Variants in KLHL1 observed in about 807,000 individuals in gnomAD.
KLHL1 encodes kelch like family member 1.
Under a neutral mutation model 77.7 loss-of-function variants are expected in KLHL1, and 47 were observed. The ratio of observed to expected loss-of-function variants is 0.60; its 90% confidence interval spans 0.48 to 0.77. The LOEUF (loss-of-function observed/expected upper bound fraction) is 0.77, where lower values mean the gene tolerates loss of function less well. Among genes scored for constraint, KLHL1 ranks in the 30% least tolerant of loss-of-function variants. The pLI is 0.00. For synonymous variants in KLHL1, 360 were observed against 325.2 expected (o/e 1.11, Z -1.15); for missense variants, 925 against 910.8 (o/e 1.02, Z -0.20).
intron 7 of KLHL1, among the ~76,000 whole-genome samples, chr13:69,769,251 C>A (rs1427461561): frequency 1.3e-5 from 2 of 152,166 alleles, no homozygotes; most frequent in Non-Finnish European, 2.9e-5. Context: ...AAGGGTGAGT[C>A]TGGGTAGAGG....
chr13:69,896,715 C>T (rs937262443), intron 4 of KLHL1, among the ~76,000 whole-genome samples: 1 of 150,836 alleles, frequency 6.6e-6, no homozygotes, highest in Non-Finnish European at 1.5e-5. Flanking sequence ...GTTGCCCAGG[C>T]TGGAGGGCAG....
intron 7 of KLHL1, among the ~76,000 whole-genome samples, chr13:69,760,517 G>A (rs1412490893): frequency 6.6e-5 from 10 of 151,728 alleles, no homozygotes; most frequent in South Asian, 2.1e-4. Flanking sequence ...CACCACACCC[G>A]GCTAATTTTT....
At chr13:69,992,149 T>A (rs889972640) in intron 1 of KLHL1, among the ~76,000 whole-genome samples, 1 of 152,004 alleles carries the variant, frequency 6.6e-6, no homozygotes. Context: ...ACACTTCATT[T>A]TATGAAATTA....
intron 9 of KLHL1, among the ~76,000 whole-genome samples, chr13:69,718,912 T>A (rs1161296056): frequency 2.6e-5 from 4 of 152,098 alleles, no homozygotes; most frequent in Admixed American, 2.6e-4. Flanking sequence ...AACTTGATAA[T>A]TCACCTTTGA....
intron 6 of KLHL1, among the ~76,000 whole-genome samples, chr13:69,809,436 GA>G (rs781081297): frequency 6.6e-6 from 1 of 152,092 alleles, no homozygotes; most frequent in African/African-American, 2.4e-5. Flanking sequence ...TGCCAGCCAA[GA>G]ATTTCATATT....
chr13:69,750,864 G>T (rs1874445179), intron 7 of KLHL1, among the ~76,000 whole-genome samples: 1 of 151,932 alleles, frequency 6.6e-6, no homozygotes, highest in Admixed American at 6.6e-5. Flanking sequence ...GTTGCACATT[G>T]AAATCACCTG....
chr13:69,875,832 T>C (rs1880742268), intron 5 of KLHL1, among the ~76,000 whole-genome samples: 1 of 152,132 alleles, frequency 6.6e-6, no homozygotes, highest in South Asian at 2.1e-4. Flanking sequence ...AAGATTTCTT[T>C]TGGAGAAAAG....
intron 2 of KLHL1, among the ~76,000 whole-genome samples, chr13:69,974,793 G>T (rs1884495094): frequency 6.6e-6 from 1 of 151,952 alleles, no homozygotes; most frequent in Admixed American, 6.6e-5. Flanking sequence ...TTGTGGTTTT[G>T]CCACACATAT....
At chr13:69,716,391 G>A (rs1192370543) in intron 9 of KLHL1, among the ~76,000 whole-genome samples, 8 of 151,648 alleles carry the variant, frequency 5.3e-5, no homozygotes, top group Non-Finnish European at 1.5e-5. Context: ...TCAGCACATG[G>A]CACCTAGTTT....
intron 6 of KLHL1, among the ~76,000 whole-genome samples, chr13:69,805,972 T>A (rs1430890695): frequency 6.6e-6 from 1 of 152,152 alleles, no homozygotes; most frequent in Admixed American, 6.5e-5. Context: ...TATCAGATAT[T>A]AAAAAGTATA....
intron 1 of KLHL1, among the ~76,000 whole-genome samples, chr13:70,067,848 C>T (rs1305450623): frequency 1.3e-5 from 2 of 152,036 alleles, no homozygotes; most frequent in African/African-American, 4.8e-5. Context: ...AATAATATGA[C>T]AACCAGTGGA....
At chr13:69,865,097 T>G (rs1880321800) in intron 5 of KLHL1, among the ~76,000 whole-genome samples, 1 of 151,972 alleles carries the variant, frequency 6.6e-6, no homozygotes, top group Non-Finnish European at 1.5e-5. Flanking sequence ...CAGGCATGCA[T>G]GTATATTGTT....
intron 5 of KLHL1, among the ~76,000 whole-genome samples, chr13:69,843,298 T>G (rs1344604668): frequency 6.6e-6 from 1 of 151,662 alleles, no homozygotes; most frequent in East Asian, 1.9e-4. Flanking sequence ...AAATTAGAAA[T>G]GTACTCCTTT....
At chr13:69,788,791 T>TGAA (rs1392454136) in intron 7 of KLHL1, among the ~76,000 whole-genome samples, 7 of 152,096 alleles carry the variant, frequency 4.6e-5, no homozygotes, top group African/African-American at 1.4e-4. Flanking sequence ...ATGAATAAAA[T>TGAA]GAAGATTTTA....
intron 5 of KLHL1, among the ~76,000 whole-genome samples, chr13:69,843,561 C>T (rs995858511): frequency 6.6e-6 from 1 of 151,680 alleles, no homozygotes; most frequent in Middle Eastern, 3.4e-3. Flanking sequence ...GACTTCAGTA[C>T]CATGTAAAAA....
At chr13:69,958,349 G>A (rs1455781551) in intron 3 of KLHL1, among the ~76,000 whole-genome samples, 1 of 151,516 alleles carries the variant, frequency 6.6e-6, no homozygotes, top group Non-Finnish European at 1.5e-5. Flanking sequence ...TTGGACTACA[G>A]GTAACAAATG....
At chr13:69,824,841 A>C (rs1166150531) in intron 6 of KLHL1, among the ~76,000 whole-genome samples, 1 of 152,108 alleles carries the variant, frequency 6.6e-6, no homozygotes, top group Non-Finnish European at 1.5e-5. Context: ...ACATACCTGT[A>C]TGCATTGTGA....
intron 7 of KLHL1, among the ~76,000 whole-genome samples, chr13:69,766,725 A>G (rs1450294292): frequency 6.6e-6 from 1 of 152,098 alleles, no homozygotes. Flanking sequence ...TGACTGGAAA[A>G]TGGATTAGAT....
chr13:69,872,009 G>A (rs184458883), intron 5 of KLHL1, among the ~76,000 whole-genome samples: 4 of 152,038 alleles, frequency 2.6e-5, no homozygotes, highest in Admixed American at 2.0e-4. Context: ...CTGACTCTCC[G>A]TATCAATTTT....
Sources: allele counts gnomAD v4.1 joint callset (sites outside exome capture counted in the v4.1 genomes callset), GRCh38; gene constraint gnomAD v4.1.1; transcripts MANE v1.5; gene names NCBI Gene and HGNC (gene_info 2026-07-23, HGNC 2026-07-21).